CLSTN2: variants seen among roughly 807,000 people sequenced by gnomAD.
The protein encoded by CLSTN2 is calsyntenin-2.
CLSTN2 carries 48 observed loss-of-function variants against 101.2 expected under a neutral mutation model. That is an observed-to-expected ratio of 0.47 (90% CI 0.38 to 0.60). The LOEUF (loss-of-function observed/expected upper bound fraction) is 0.60, where lower values mean the gene tolerates loss of function less well. Among genes scored for constraint, CLSTN2 ranks in the 20% least tolerant of loss-of-function variants. CLSTN2 has a pLI of 0.00. For synonymous variants in CLSTN2, 481 were observed against 463.6 expected (o/e 1.04, Z -0.48); for missense variants, 1,160 against 1,238.2 (o/e 0.94, Z 0.95).
At chr3:140,472,739 T>G (rs1933881124) in intron 8 of CLSTN2, among the ~76,000 whole-genome samples, 1 of 152,216 alleles carries the variant, frequency 6.6e-6, no homozygotes, top group African/African-American at 2.4e-5. Flanking sequence ...GAATTCCGAA[T>G]GACTTTTTCT....
Position 140,566,404 on chromosome 3 carries a change from C to A in CLSTN2, c.*151C>A. The A allele has an allele frequency of 1.4e-6, 1 of 738,666 alleles. No individual in the cohort carries two copies. The highest frequency in any genetic ancestry group is 2.3e-6 in the Non-Finnish European group (1 of 443,302). The allele number at this position is 738,666 out of a possible 1,614,324, so 45.8% of individuals were successfully genotyped here. ...TGGAGCCCACCCTTTAAGCCTTGGG[C>A]ACTCCCTGTGTTTCATCCATGGGGA... On this transcript the variant is annotated 3_prime_UTR_variant, in exon 17 of 17. Transcript: ENST00000458420.
chr3:140,340,901 C>T (rs1258082892), intron 2 of CLSTN2, among the ~76,000 whole-genome samples: 1 of 152,132 alleles, frequency 6.6e-6, no homozygotes, highest in Non-Finnish European at 1.5e-5. Context: ...GAAGAATGCC[C>T]CTCAACTGGG....
At chr3:140,347,119 A>G (rs548487032) in intron 2 of CLSTN2, among the ~76,000 whole-genome samples, 14 of 152,344 alleles carry the variant, frequency 9.2e-5, no homozygotes, top group African/African-American at 2.9e-4. Context: ...AGTCATACAC[A>G]CATTTTGAAC....
In CLSTN2 at chr3:140,261,122, T is replaced by G. The variant is rs528247906; in HGVS notation, c.232+85049T>G. Among the ~76,000 whole-genome samples, 20 of 152,302 alleles carry G rather than the reference T, an allele frequency of 1.3e-4. No individual in the cohort carries two copies. The South Asian group carries it at 4.1e-3, about 32-fold the overall frequency. ...CCTGCCCTCTTTTCTTAATACAGTG[T>G]TTGGAAATGACTATACATAACCCAC... On this transcript the variant is annotated intron_variant, in intron 2 of 16. Coordinates refer to ENST00000458420, the MANE Select transcript of CLSTN2 (RefSeq NM_022131.3).
chr3:139,937,667 C>T (rs927792635), intron 1 of CLSTN2, among the ~76,000 whole-genome samples: 1 of 152,006 alleles, frequency 6.6e-6, no homozygotes, highest in Non-Finnish European at 1.5e-5. Context: ...TCACTTGAAC[C>T]CGGGAGGCAG....
chr3:140,309,924 G>A (rs1281041818), intron 2 of CLSTN2, among the ~76,000 whole-genome samples: 1 of 152,114 alleles, frequency 6.6e-6, no homozygotes, highest in Non-Finnish European at 1.5e-5. Context: ...AAGCCTCATA[G>A]TTTTGTCAGG....
chr3:140,540,586 G>A (rs1935456213), intron 9 of CLSTN2, among the ~76,000 whole-genome samples: 1 of 152,088 alleles, frequency 6.6e-6, no homozygotes. Flanking sequence ...TGTTCATCAA[G>A]GGGCATCCCC....
intron 2 of CLSTN2, among the ~76,000 whole-genome samples, chr3:140,186,878 A>G (rs755068011): frequency 2.6e-5 from 4 of 152,130 alleles, no homozygotes; most frequent in Non-Finnish European, 5.9e-5. Context: ...CTTTCTGCAC[A>G]TTAATGATAC....
chr3:140,551,108 A>T (rs933609705), intron 10 of CLSTN2, among the ~76,000 whole-genome samples: 1 of 152,196 alleles, frequency 6.6e-6, no homozygotes, highest in Non-Finnish European at 1.5e-5. Context: ...TTTCCTCCAT[A>T]TCAGCAACTC....
At position 140,109,323 on chromosome 3, in the gene CLSTN2, A is replaced by G. The variant is rs780152264; in HGVS notation, c.110-66628A>G. 2.1e-4 allele frequency among the ~76,000 whole-genome samples: 32 copies of G among 152,148 alleles called. 1 individual carries two copies. The highest frequency in any genetic ancestry group is 4.1e-4 in the Non-Finnish European group (28 of 68,020). On this transcript the variant is annotated intron_variant, in intron 1 of 16. Coordinates refer to ENST00000458420, the MANE Select transcript of CLSTN2 (RefSeq NM_022131.3). ...TAGTCACCTCCTGGAAGAGCCGGGA[A>G]TCTCAGCACAGGCTGCTCACAGTGT...
At chr3:140,261,027 C>G (rs2086649156) in intron 2 of CLSTN2, among the ~76,000 whole-genome samples, 1 of 152,132 alleles carries the variant, frequency 6.6e-6, no homozygotes, top group African/African-American at 2.4e-5. Flanking sequence ...ACTACCATTG[C>G]TGTTAAACTA....
At position 140,203,103 on chromosome 3, in the gene CLSTN2, G is replaced by A. The variant is rs142874036; in HGVS notation, c.232+27030G>A. Among the ~76,000 whole-genome samples, 13 of 152,264 alleles carry A rather than the reference G, an allele frequency of 8.5e-5. No individual in the cohort carries two copies. In the East Asian group the frequency reaches 1.2e-3, roughly 14 times the overall value. ...CTCCCCTCCCAAATTGGAATGTGTC[G>A]TGGGCAAGAAACCTTTATTATTTTA... On this transcript the variant is annotated intron_variant, in intron 2 of 16. Transcript: ENST00000458420.
intron 2 of CLSTN2, among the ~76,000 whole-genome samples, chr3:140,219,481 G>T (rs2086245959): frequency 6.6e-6 from 1 of 152,256 alleles, no homozygotes; most frequent in Non-Finnish European, 1.5e-5. Flanking sequence ...AAACAAGATG[G>T]CATTTTATCT....
At chr3:140,202,647 A>T (rs899538206) in intron 2 of CLSTN2, among the ~76,000 whole-genome samples, 1 of 152,190 alleles carries the variant, frequency 6.6e-6, no homozygotes, top group Non-Finnish European at 1.5e-5. Flanking sequence ...AATTTAGGAC[A>T]ATTGGTAAAC....
At chr3:140,450,725 C>CATACACACAA (rs1447925203) in intron 6 of CLSTN2, among the ~76,000 whole-genome samples, 3 of 151,576 alleles carry the variant, frequency 2.0e-5, no homozygotes, top group African/African-American at 7.3e-5. Context: ...CACACAAGCA[C>CATACACACAA]ATACACACAC....
At chr3:140,383,225 A>C (rs371016137) in intron 2 of CLSTN2, among the ~76,000 whole-genome samples, 10 of 152,180 alleles carry the variant, frequency 6.6e-5, no homozygotes, top group African/African-American at 2.4e-4. Flanking sequence ...TGTTCAGCTC[A>C]GGGGGACTAT....
intron 2 of CLSTN2, among the ~76,000 whole-genome samples, chr3:140,199,184 A>G (rs1041588780): frequency 6.6e-6 from 1 of 152,202 alleles, no homozygotes; most frequent in Non-Finnish European, 1.5e-5. Flanking sequence ...AGAATATTGC[A>G]TCAGACTTTT....
intron 1 of CLSTN2, among the ~76,000 whole-genome samples, chr3:139,945,390 A>G (rs756355352): frequency 6.6e-6 from 1 of 152,218 alleles, no homozygotes; most frequent in Non-Finnish European, 1.5e-5. Flanking sequence ...TTTTGAAAGG[A>G]TAAAGCGCTT....
rs1301612645 is a variant in CLSTN2 at position 140,419,812 on chromosome 3, T to C, written c.638-1313T>C. The stretch of plus-strand genomic sequence containing the variant: ...ACGTATACGTGTATATACGTGTATA[T>C]ACGTATATATACGTATATGTGTATA... On this transcript the variant is annotated intron_variant, in intron 4 of 16. Transcript: ENST00000458420. Among the ~76,000 whole-genome samples the C allele has an allele frequency of 2.8e-4, 23 of 83,118 alleles. 7 individuals carry two copies. Among genetic ancestry groups the C allele is most frequent in the East Asian group, 1.2e-3 (3 of 2,472 alleles). The allele number at this position is 83,118 out of a possible 152,430, so 54.5% of individuals were successfully genotyped here.
Sources: gnomAD v4.1 joint callset for allele counts (sites outside exome capture counted in the v4.1 genomes callset) on GRCh38, gnomAD v4.1.1 for gene constraint, MANE v1.5 for transcripts, NCBI Gene and HGNC (gene_info 2026-07-23, HGNC 2026-07-21) for gene names.